The following SAMD12 variants were observed in gnomAD, a reference collection of about 807,000 sequenced individuals.
SAMD12 encodes sterile alpha motif domain containing 12, also known as sterile alpha motif domain-containing protein 12.
SAMD12 carries 9 observed loss-of-function variants against 15.0 expected under a neutral mutation model. That is an observed-to-expected ratio of 0.60 (90% CI 0.36 to 1.05). The LOEUF is 1.05. Ranked by LOEUF, SAMD12 falls within the 50% of genes least tolerant of loss-of-function variation. SAMD12 has a pLI of 0.01. For synonymous variants in SAMD12, 86 were observed against 90.1 expected, an observed-to-expected ratio of 0.96 and a Z score of 0.25; for missense variants, 230 against 234.2, an observed-to-expected ratio of 0.98 and a Z score of 0.12.
At chr8:118,230,831 A>C (rs906616872) in intron 4 of SAMD12, among the ~76,000 whole-genome samples, 7 of 152,102 alleles carry the variant, frequency 4.6e-5, no homozygotes, top group African/African-American at 1.4e-4. Flanking sequence ...GCTGAGACCA[A>C]ATCAGAGGGG....
intron 1 of SAMD12, among the ~76,000 whole-genome samples, chr8:118,597,076 T>C (rs1284942456): frequency 6.6e-6 from 1 of 152,112 alleles, no homozygotes; most frequent in Non-Finnish European, 1.5e-5. Context: ...GCCCTCAGCA[T>C]GCATGGGGCA....
chr8:118,503,739 G>T (rs1030174759), intron 2 of SAMD12, among the ~76,000 whole-genome samples: 1 of 152,214 alleles, frequency 6.6e-6, no homozygotes, highest in African/African-American at 2.4e-5. Flanking sequence ...CATTTTCTCT[G>T]TCAATCCTCT....
intron 4 of SAMD12, among the ~76,000 whole-genome samples, chr8:118,231,516 T>C (rs149713079): frequency 6.6e-6 from 1 of 152,298 alleles, no homozygotes; most frequent in East Asian, 1.9e-4. Flanking sequence ...AAATTGAGAT[T>C]TTTACTGCCT....
chr8:118,143,118 T>A, the SAMD12 span, among the ~76,000 whole-genome samples: 46 of 152,150 alleles, frequency 3.0e-4, no homozygotes, highest in Non-Finnish European at 3.8e-4. Context: ...AAGGTTGACT[T>A]CTGAGTTGTG....
At chr8:118,612,063 C>A (rs1185723528) in intron 1 of SAMD12, among the ~76,000 whole-genome samples, 1 of 152,186 alleles carries the variant, frequency 6.6e-6, no homozygotes, top group Admixed American at 6.5e-5. Flanking sequence ...CAAAACTCAA[C>A]CATACAAGAA....
At chr8:118,226,527 T>C (rs749962002) in intron 4 of SAMD12, among the ~76,000 whole-genome samples, 18 of 152,234 alleles carry the variant, frequency 1.2e-4, no homozygotes, top group Non-Finnish European at 2.1e-4. Context: ...TCTGTCCATC[T>C]GACTATCTGA....
At chr8:118,616,474 G>C (rs964374905) in intron 1 of SAMD12, among the ~76,000 whole-genome samples, 2 of 152,242 alleles carry the variant, frequency 1.3e-5, no homozygotes, top group Admixed American at 1.3e-4. Context: ...CTAGCACCAA[G>C]AGAATCACAC....
Position 118,451,421 on chromosome 8 carries a change from T to C in SAMD12, c.193-11460A>G, listed in dbSNP as rs565641265. Among the ~76,000 whole-genome samples the C allele has an allele frequency of 3.9e-5, 6 of 152,306 alleles. No homozygotes were observed. The East Asian group carries it at 1.2e-3, about 29-fold the overall frequency. On this transcript the variant is annotated intron_variant, in intron 2 of 3. Coordinates refer to ENST00000314727, the MANE Select transcript of SAMD12 (RefSeq NM_207506.3). Reference sequence around the variant, plus strand: ...ACTCAAGGGCTTTTTCTACTCACCTTATCGTGGAAGGAGGTGCATTTCCTG... The same window carrying C: ...ACTCAAGGGCTTTTTCTACTCACCTCATCGTGGAAGGAGGTGCATTTCCTG...
chr8:118,138,294 C>T, the SAMD12 span, among the ~76,000 whole-genome samples: 1 of 152,130 alleles, frequency 6.6e-6, no homozygotes, highest in South Asian at 2.1e-4. Context: ...AAATAGAAAC[C>T]ACTCTAGCTA....
chr8:118,386,111 T>C (rs996920583), intron 3 of SAMD12, among the ~76,000 whole-genome samples: 2 of 152,192 alleles, frequency 1.3e-5, no homozygotes, highest in Non-Finnish European at 2.9e-5. Flanking sequence ...TTTCCTATGG[T>C]TGCCATAACA....
intron 2 of SAMD12, among the ~76,000 whole-genome samples, chr8:118,515,185 A>ATTTTTTTTTTTTTTTT (rs55864364): frequency 8.7e-5 from 9 of 103,294 alleles, no homozygotes; most frequent in African/African-American, 1.2e-4. Context: ...CGCCCAGCTA[A>ATTTTTTTTTTTTTTTT]TTTTTTTTTT....
At chr8:118,314,986 A>T (rs1380031938) in intron 4 of SAMD12, among the ~76,000 whole-genome samples, 1 of 152,238 alleles carries the variant, frequency 6.6e-6, no homozygotes, top group Non-Finnish European at 1.5e-5. Context: ...TTTCTGCCTT[A>T]TGCAGTAAGT....
At chr8:118,424,813 GAA>G (rs1822170417) in intron 3 of SAMD12, among the ~76,000 whole-genome samples, 1 of 152,120 alleles carries the variant, frequency 6.6e-6, no homozygotes, top group South Asian at 2.1e-4. Flanking sequence ...CCATCTAAAG[GAA>G]AAGAGTCATT....
chr8:118,352,130 A>C (rs1451625794), intron 4 of SAMD12, among the ~76,000 whole-genome samples: 2 of 152,242 alleles, frequency 1.3e-5, no homozygotes, highest in African/African-American at 4.8e-5. Context: ...ACTGCTTAGT[A>C]TTATTAATGT....
intron 2 of SAMD12, among the ~76,000 whole-genome samples, chr8:118,541,840 G>A (rs1825997925): frequency 6.6e-6 from 1 of 152,154 alleles, no homozygotes; most frequent in East Asian, 1.9e-4. Context: ...TTGACTTTGA[G>A]TATTTTCATT....
At chr8:118,450,128 T>C (rs12544750) in intron 2 of SAMD12, among the ~76,000 whole-genome samples, 109,518 of 152,122 alleles carry the variant, frequency 0.72, 39,770 homozygotes, top group African/African-American at 0.81. Flanking sequence ...GATGTGTAAA[T>C]GCCACTGCTC....
At chr8:118,421,135 A>G (rs1821977521) in intron 3 of SAMD12, among the ~76,000 whole-genome samples, 1 of 152,136 alleles carries the variant, frequency 6.6e-6, no homozygotes, top group East Asian at 1.9e-4. Context: ...TAACTTTCAC[A>G]CCTCAGGTTC....
chr8:118,459,179 C>G (rs920227031), intron 2 of SAMD12, among the ~76,000 whole-genome samples: 2 of 152,038 alleles, frequency 1.3e-5, no homozygotes, highest in African/African-American at 4.8e-5. Flanking sequence ...GATTCTCCTG[C>G]CTCAACCTCC....
At chr8:118,425,432 T>G (rs374371916) in intron 3 of SAMD12, among the ~76,000 whole-genome samples, 2 of 152,174 alleles carry the variant, frequency 1.3e-5, no homozygotes. Flanking sequence ...CCCTGGCTAC[T>G]CAGGAGGCTA....
Sources: allele counts gnomAD v4.1 joint callset (sites outside exome capture counted in the v4.1 genomes callset), GRCh38; gene constraint gnomAD v4.1.1; transcripts MANE v1.5; gene names NCBI Gene and HGNC (gene_info 2026-07-23, HGNC 2026-07-21).